ODAD2: variants seen among roughly 807,000 people sequenced by gnomAD.
The protein encoded by ODAD2 is outer dynein arm docking complex subunit 2.
In ODAD2, 89 loss-of-function variants were observed where a neutral mutation model predicts 106.8. The ratio of observed to expected loss-of-function variants is 0.83; its 90% CI spans 0.70 to 0.99. The LOEUF is 0.99. Among genes scored for constraint, ODAD2 ranks in the 50% least tolerant of loss-of-function variants. The pLI, the probability that ODAD2 is intolerant of heterozygous loss-of-function variation, is 0.00. For synonymous variants in ODAD2, 404 were observed against 436.2 expected (o/e 0.93, Z 0.92); for missense variants, 1,168 against 1,238.5 (o/e 0.94, Z 0.85).
intron 17 of ODAD2, among the ~76,000 whole-genome samples, chr10:27,893,033 C>A (rs1339949668): frequency 6.6e-6 from 1 of 152,060 alleles, no homozygotes; most frequent in Non-Finnish European, 1.5e-5. Context: ...CTTGTCCATT[C>A]CTGTAATCCC....
intron 7 of ODAD2, 68 bp downstream of exon 7, chr10:27,981,398 T>C: frequency 1.4e-6 from 2 of 1,382,810 alleles, no homozygotes; most frequent in Non-Finnish European, 1.9e-6. Flanking sequence ...CTGTTTTTCT[T>C]GTACCATAGA....
intron 17 of ODAD2, among the ~76,000 whole-genome samples, chr10:27,902,926 G>C (rs1843314597): frequency 6.6e-6 from 1 of 152,020 alleles, no homozygotes; most frequent in African/African-American, 2.4e-5. Flanking sequence ...GAAAAAGAGG[G>C]ACTCCTCCCT....
chr10:27,938,424 G>A (rs1846147524), intron 14 of ODAD2, among the ~76,000 whole-genome samples: 2 of 152,090 alleles, frequency 1.3e-5, no homozygotes. Flanking sequence ...ACAAGCTGAG[G>A]AGAGAGGCCT....
intron 17 of ODAD2, among the ~76,000 whole-genome samples, chr10:27,906,196 C>T (rs1051302603): frequency 2.0e-5 from 3 of 151,992 alleles, no homozygotes; most frequent in African/African-American, 7.3e-5. Context: ...AAAAAGTGGG[C>T]AAAAGATATG....
chr10:27,821,025 C>G (rs901111152), intron 19 of ODAD2, among the ~76,000 whole-genome samples: 3 of 152,098 alleles, frequency 2.0e-5, no homozygotes, highest in African/African-American at 7.2e-5. Context: ...AGTGATCTGC[C>G]CACCTCAGCC....
chr10:27,815,071 C>T (rs951766305), intron 19 of ODAD2, among the ~76,000 whole-genome samples: 5 of 152,178 alleles, frequency 3.3e-5, no homozygotes, highest in Admixed American at 6.5e-5. Flanking sequence ...TTCATAAACT[C>T]GATCGAAGCC....
chr10:27,825,348 A>C (rs2132921859), intron 19 of ODAD2, among the ~76,000 whole-genome samples: 1 of 152,326 alleles, frequency 6.6e-6, no homozygotes, highest in Middle Eastern at 3.4e-3. Context: ...AAATGCTCAG[A>C]TTCAGAATGT....
At chr10:27,886,185 C>A (rs958266439) in intron 17 of ODAD2, among the ~76,000 whole-genome samples, 1 of 150,268 alleles carries the variant, frequency 6.7e-6, no homozygotes, top group South Asian at 2.1e-4. Flanking sequence ...TCAAACAATT[C>A]GAAGTAGGAC....
At chr10:27,985,912 A>G (rs1242931715) in intron 3 of ODAD2, among the ~76,000 whole-genome samples, 1 of 152,110 alleles carries the variant, frequency 6.6e-6, no homozygotes, top group East Asian at 1.9e-4. Flanking sequence ...AATGTCAAAA[A>G]CCAATATGGT....
chr10:27,857,366 T>C (rs1839730485), intron 19 of ODAD2, among the ~76,000 whole-genome samples: 1 of 152,222 alleles, frequency 6.6e-6, no homozygotes, highest in Non-Finnish European at 1.5e-5. Flanking sequence ...ATGTTTTTGG[T>C]CAACAGTAGG....
chr10:27,876,110 C>T (rs905671133), intron 17 of ODAD2, among the ~76,000 whole-genome samples: 3 of 152,200 alleles, frequency 2.0e-5, no homozygotes, highest in African/African-American at 7.2e-5. Flanking sequence ...GTAGACTCCA[C>T]ATCTGGGGGC....
rs993840638 is a variant in ODAD2, at chr10:27,946,493, T to C, written c.1387-1531A>G. On this transcript the variant is annotated intron_variant, in intron 10 of 19. Coordinates refer to ENST00000305242, the MANE Select transcript of ODAD2 (RefSeq NM_018076.5). Reference sequence around the variant, plus strand: ...ATCAAATCAGGATAATTGAGATATTTATCACCTTAAACACATCTTTTTTTG... The same window carrying C: ...ATCAAATCAGGATAATTGAGATATTCATCACCTTAAACACATCTTTTTTTG... 9.2e-5 allele frequency among the ~76,000 whole-genome samples: 14 copies of C among 152,282 alleles called. No individual in the cohort carries two copies. In the East Asian group the frequency reaches 2.7e-3, roughly 29 times the overall value.
chr10:27,986,564 G>A (rs1027962937), intron 3 of ODAD2, among the ~76,000 whole-genome samples: 9 of 152,038 alleles, frequency 5.9e-5, no homozygotes, highest in African/African-American at 2.2e-4. Context: ...CCATCCTGAG[G>A]TTAGCATCTA....
At chr10:27,817,849 A>G (rs1023389572) in intron 19 of ODAD2, among the ~76,000 whole-genome samples, 5 of 152,072 alleles carry the variant, frequency 3.3e-5, no homozygotes, top group Non-Finnish European at 7.4e-5. Flanking sequence ...TTAGGTATAT[A>G]TCCAGTAGGG....
chr10:27,998,659 G>A (rs1850702423), intron 1 of ODAD2, among the ~76,000 whole-genome samples: 1 of 152,040 alleles, frequency 6.6e-6, no homozygotes, highest in South Asian at 2.1e-4. Flanking sequence ...AAGGGAAGGG[G>A]GCGGGTCTTG....
intron 16 of ODAD2, among the ~76,000 whole-genome samples, chr10:27,916,064 T>C (rs1844350743): frequency 6.6e-6 from 1 of 152,122 alleles, no homozygotes; most frequent in African/African-American, 2.4e-5. Context: ...CAATCTTTAG[T>C]GGTGCAACCC....
At chr10:27,972,323 T>A (rs963666961) in intron 7 of ODAD2, among the ~76,000 whole-genome samples, 3 of 152,068 alleles carry the variant, frequency 2.0e-5, no homozygotes, top group African/African-American at 7.2e-5. Flanking sequence ...AATGGAATCA[T>A]TTTAAAAAGC....
chr10:27,849,361 T>C (rs1001327640), intron 19 of ODAD2, among the ~76,000 whole-genome samples: 2 of 146,086 alleles, frequency 1.4e-5, no homozygotes, highest in African/African-American at 5.1e-5. Flanking sequence ...ATGAGAACAC[T>C]TGGACACAGG....
intron 14 of ODAD2, among the ~76,000 whole-genome samples, chr10:27,938,876 G>C (rs1017204331): frequency 6.6e-6 from 1 of 151,878 alleles, no homozygotes; most frequent in African/African-American, 2.4e-5. Flanking sequence ...CTGGGAATAC[G>C]GGGACTGCAG....
Sources: allele counts gnomAD v4.1 joint callset (sites outside exome capture counted in the v4.1 genomes callset), GRCh38; gene constraint gnomAD v4.1.1; transcripts MANE v1.5; gene names NCBI Gene and HGNC (gene_info 2026-07-23, HGNC 2026-07-21).